LRP2: variants seen among roughly 807,000 people sequenced by gnomAD.
LRP2 encodes the protein low-density lipoprotein receptor-related protein 2.
Under a neutral mutation model 531.0 loss-of-function variants are expected in LRP2, and 172 were observed. The observed-to-expected ratio is 0.32, with a 90% CI of 0.29 to 0.37. The LOEUF (loss-of-function observed/expected upper bound fraction) is 0.37, where lower values mean the gene tolerates loss of function less well. LRP2 is among the 10% of genes least tolerant of loss of function. The pLI is 1.00. For synonymous variants in LRP2, 1,992 were observed against 2,027.6 expected (o/e 0.98, Z 0.47); for missense variants, 5,167 against 5,868.3 (o/e 0.88, Z 3.90).
chr2:169,240,156 T>C (rs185822527), intron 25 of LRP2, among the ~76,000 whole-genome samples: 34 of 152,284 alleles, frequency 2.2e-4, no homozygotes, highest in Admixed American at 1.9e-3. Context: ...CTACTATCTA[T>C]ACAGAAATGG....
chr2:169,260,191 G>A lies in LRP2; in HGVS notation c.2321-974C>T, dbSNP rs116101391. On this transcript the variant is annotated intron_variant, in intron 16 of 78. Transcript: ENST00000649046. ...CACCACCCTCAAGGTAATTCATAGT[G>A]AGGTGGTGAAAGAGGAGGAGGCAAC... is the stretch of plus-strand genomic sequence containing the variant. Among the ~76,000 whole-genome samples the A allele has an allele frequency of 3.3e-3, 505 of 152,234 alleles. 1 individual carries two copies. The highest frequency in any genetic ancestry group is 0.012 in the African/African-American group (487 of 41,546).
chr2:169,164,909 G>A (rs561828375), intron 62 of LRP2, among the ~76,000 whole-genome samples: 1 of 152,282 alleles, frequency 6.6e-6, no homozygotes, highest in Non-Finnish European at 1.5e-5. Flanking sequence ...GAGATTTTGG[G>A]GAAGGGGGAA....
chr2:169,166,279 T>C (rs1237808000), intron 61 of LRP2, among the ~76,000 whole-genome samples: 8 of 152,234 alleles, frequency 5.3e-5, no homozygotes, highest in Admixed American at 2.0e-4. Context: ...CTTGTCCTCA[T>C]GGAACTTTCA....
chr2:169,298,279 C>T (rs1334802148), intron 4 of LRP2, among the ~76,000 whole-genome samples: 1 of 152,022 alleles, frequency 6.6e-6, no homozygotes, highest in Non-Finnish European at 1.5e-5. Context: ...TCAAAGTACT[C>T]AATATGTATA....
chr2:169,271,191 G>A, intron 15 of LRP2, 84 bp from the exon 16 acceptor site: 1 of 824,296 alleles, frequency 1.2e-6, no homozygotes, highest in Non-Finnish European at 2.0e-6. Context: ...CATCCACAGA[G>A]CAAACTTTAA....
chr2:169,256,718 A>C (rs921109893), intron 18 of LRP2, among the ~76,000 whole-genome samples: 3 of 152,086 alleles, frequency 2.0e-5, no homozygotes, highest in African/African-American at 7.2e-5. Context: ...GCAAAGGTGC[A>C]TTTGTTGATT....
intron 75 of LRP2, among the ~76,000 whole-genome samples, chr2:169,138,236 C>A (rs2105336105): frequency 6.6e-6 from 1 of 152,262 alleles, no homozygotes; most frequent in Admixed American, 6.5e-5. Flanking sequence ...TCCTTTTATA[C>A]ATATAAAAGT....
chr2:169,344,136 A>G (rs1416575531), intron 1 of LRP2, among the ~76,000 whole-genome samples: 2 of 152,066 alleles, frequency 1.3e-5, no homozygotes, highest in Non-Finnish European at 2.9e-5. Flanking sequence ...TATTATTATT[A>G]TACTTTAAGT....
chr2:169,187,923 AT>A, intron 49 of LRP2, 46 bp downstream of exon 49: 1 of 1,592,692 alleles, frequency 6.3e-7, no homozygotes, highest in Non-Finnish European at 8.6e-7. Flanking sequence ...GAGAATCCAT[AT>A]TCAGTCTCCC....
chr2:169,143,767 C>T (rs979318515), intron 70 of LRP2, among the ~76,000 whole-genome samples: 1 of 152,174 alleles, frequency 6.6e-6, no homozygotes, highest in Non-Finnish European at 1.5e-5. Context: ...AAGTCTAGAG[C>T]CTTATTAATT....
chr2:169,230,915 T>C (rs534958138), intron 31 of LRP2, among the ~76,000 whole-genome samples: 1 of 152,208 alleles, frequency 6.6e-6, no homozygotes, highest in Non-Finnish European at 1.5e-5. Context: ...TCTTAAAGTA[T>C]CAGATGGTAA....
At chr2:169,301,088 G>A (rs1030473075) in intron 4 of LRP2, among the ~76,000 whole-genome samples, 1 of 152,104 alleles carries the variant, frequency 6.6e-6, no homozygotes, top group Admixed American at 6.6e-5. Context: ...CATTGTAACA[G>A]GGATTTTACC....
At chr2:169,243,949 T>G (rs1302805360) in intron 22 of LRP2, among the ~76,000 whole-genome samples, 2 of 152,162 alleles carry the variant, frequency 1.3e-5, no homozygotes, top group Non-Finnish European at 2.9e-5. Flanking sequence ...GATTTAAAAG[T>G]CTGAACAGAA....
intron 48 of LRP2, among the ~76,000 whole-genome samples, chr2:169,190,658 A>G (rs936453938): frequency 1.3e-5 from 2 of 152,058 alleles, no homozygotes; most frequent in Non-Finnish European, 2.9e-5. Flanking sequence ...GATGCTCTCA[A>G]TGTGCCTGTG....
At chr2:169,258,924 C>T in intron 17 of LRP2, 101 bp downstream of exon 17, 2 of 1,042,868 alleles carry the variant, frequency 1.9e-6, no homozygotes, top group Non-Finnish European at 3.0e-6. Context: ...ACAGTTCAAT[C>T]TTATATTTGC....
intron 77 of LRP2, 53 bp downstream of exon 77, chr2:169,132,521 C>A: frequency 9.8e-7 from 1 of 1,016,368 alleles, no homozygotes; most frequent in South Asian, 1.3e-5. Flanking sequence ...AAAACCCAGT[C>A]ATCCCAAAGT....
In LRP2 at chr2:169,299,131, G is replaced by GAAAGAA. The variant is rs1553510968; in HGVS notation, c.428-4427_428-4422dup. On this transcript the variant is annotated intron_variant, in intron 4 of 78. Transcript: ENST00000649046. ...AGAAAGAAAGAAAGAAAGAAAGAAA[G>GAAAGAA]AAAGAAAGAAAGAAAGAAAGAAAGA... Among the ~76,000 whole-genome samples, 195 of 72,116 alleles carry GAAAGAA rather than the reference G, an allele frequency of 2.7e-3. 4 individuals are homozygous for GAAAGAA. The highest frequency in any genetic ancestry group is 9.0e-3 in the African/African-American group (186 of 20,602). The allele number at this position is 72,116 out of a possible 152,430, so 47.3% of individuals were successfully genotyped here. A position where few individuals can be genotyped will look rare whatever the true frequency, so the allele number is the denominator to read the frequency against.
chr2:169,277,822 A>T lies in LRP2; in HGVS notation c.1695T>A (p.Asp565Glu), dbSNP rs2105447442. ...KLGWPAGVTL[D>E]MISKRVYWVD... is the part of the protein sequence containing the mutation. ...CCCAGTAAACACGCTTCGATATCAT[A>T]TCCAGAGTTACCCCAGCAGGCCATC... The change falls in exon 13 of 79, where the codon GAT becomes GAA. Residue 565 changes from aspartate to glutamate, a missense_variant. Asp to Glu is a conservative substitution (Grantham distance 45, BLOSUM62 2). Transcript: ENST00000649046. 1 of 1,614,200 alleles carries T rather than the reference A, an allele frequency of 6.2e-7. No homozygotes were observed. The highest frequency in any genetic ancestry group is 1.1e-5 in the South Asian group (1 of 91,086).
At chr2:169,331,121 A>G (rs1029160457) in intron 1 of LRP2, among the ~76,000 whole-genome samples, 11 of 152,096 alleles carry the variant, frequency 7.2e-5, no homozygotes, top group African/African-American at 2.7e-4. Context: ...CACTAGAAAA[A>G]CACAAGCATC....
Sources: allele counts gnomAD v4.1 joint callset (sites outside exome capture counted in the v4.1 genomes callset), GRCh38; gene constraint gnomAD v4.1.1; transcripts MANE v1.5; gene names NCBI Gene and HGNC (gene_info 2026-07-23, HGNC 2026-07-21).